The following PITPNB variants were observed in gnomAD, a reference collection of about 807,000 sequenced individuals.
The protein encoded by PITPNB is phosphatidylinositol transfer protein beta, also known as phosphatidylinositol transfer protein beta isoform.
In PITPNB, 16 loss-of-function variants were observed where a neutral mutation model predicts 45.9. That is an observed-to-expected ratio of 0.35 (90% confidence interval 0.24 to 0.53). The LOEUF is 0.53. Ranked by LOEUF, PITPNB falls within the 20% of genes least tolerant of loss-of-function variation. The pLI, the probability that PITPNB is intolerant of heterozygous loss-of-function variation, is 0.93. For synonymous variants in PITPNB, 112 were observed against 108.9 expected, an observed-to-expected ratio of 1.03 and a Z score of -0.18; for missense variants, 188 against 330.5, an observed-to-expected ratio of 0.57 and a Z score of 3.34.
At chr22:27,915,727 G>T (rs141080927) in intron 1 of PITPNB, among the ~76,000 whole-genome samples, 5 of 152,054 alleles carry the variant, frequency 3.3e-5, no homozygotes, top group Non-Finnish European at 5.9e-5. Flanking sequence ...TAAAAATTCC[G>T]AATCATTTCT....
chr22:27,884,090 G>A (rs1935047902), intron 7 of PITPNB, among the ~76,000 whole-genome samples: 1 of 152,196 alleles, frequency 6.6e-6, no homozygotes, highest in East Asian at 1.9e-4. Flanking sequence ...AGATGTTGCA[G>A]ACTGGTCCAG....
At chr22:27,906,006 G>A (rs573959048) in intron 3 of PITPNB, among the ~76,000 whole-genome samples, 7 of 152,110 alleles carry the variant, frequency 4.6e-5, no homozygotes, top group African/African-American at 1.4e-4. Context: ...GTGGAAAACA[G>A]GATACAACAA....
chr22:27,909,528 T>TA lies in PITPNB; in HGVS notation c.197+1435dup, dbSNP rs567256746. ...AAGAAATTCAAATGGTCAATTAACA[T>TA]AAAAAGACATTCAACCTCACTAATA... On this transcript the variant is annotated intron_variant, in intron 3 of 11. Coordinates refer to ENST00000335272, the MANE Select transcript of PITPNB (RefSeq NM_012399.5). Among the ~76,000 whole-genome samples, 440 of 152,154 alleles carry TA rather than the reference T, an allele frequency of 2.9e-3. 2 individuals carry two copies. Among genetic ancestry groups the TA allele is most frequent in the Non-Finnish European group, 2.3e-3 (155 of 67,988 alleles).
At chr22:27,858,365 G>C (rs1001993020) in intron 10 of PITPNB, 22 bp downstream of exon 10, 5 of 1,577,458 alleles carry the variant, frequency 3.2e-6, no homozygotes, top group Non-Finnish European at 4.3e-6. Flanking sequence ...TTAGAGAATT[G>C]CCATAGAACA....
At chr22:27,903,306 CT>C (rs1223762085) in intron 3 of PITPNB, among the ~76,000 whole-genome samples, 1 of 151,568 alleles carries the variant, frequency 6.6e-6, no homozygotes, top group East Asian at 1.9e-4. Context: ...CCCGTCTCTA[CT>C]AAAAATACAA....
intron 8 of PITPNB, among the ~76,000 whole-genome samples, chr22:27,863,677 G>A (rs1934401931): frequency 6.6e-6 from 1 of 152,180 alleles, no homozygotes; most frequent in South Asian, 2.1e-4. Context: ...TGATGCTTCA[G>A]AATTCTCCAG....
At position 27,859,545 on chromosome 22, in the gene PITPNB, C is replaced by T. The variant is rs555104620; in HGVS notation, c.645+586G>A. 2.6e-5 allele frequency among the ~76,000 whole-genome samples: 4 copies of T among 152,202 alleles called. No homozygotes were observed. The East Asian group carries it at 7.7e-4, about 29-fold the overall frequency. On this transcript the variant is annotated intron_variant, in intron 9 of 11. Coordinates refer to ENST00000335272, the MANE Select transcript of PITPNB (RefSeq NM_012399.5). Reference sequence around the variant, plus strand: ...GTGCATTTATAAAATTCCAATTCTCCCCTCCTCCTAGATCTAACTGCCCAT... The same window carrying T: ...GTGCATTTATAAAATTCCAATTCTCTCCTCCTCCTAGATCTAACTGCCCAT...
intron 1 of PITPNB, 136 bp downstream of exon 1, chr22:27,919,036 G>A (rs1936188720): frequency 2.0e-5 from 26 of 1,330,062 alleles, no homozygotes; most frequent in Non-Finnish European, 2.8e-5. Context: ...AAGGGGCCGG[G>A]GGAGGGAGGG....
At position 27,873,690 on chromosome 22, in the gene PITPNB, T is replaced by A. The variant is rs753708040; in HGVS notation, c.534+48A>T. 7 of 1,098,280 alleles carry A rather than the reference T, an allele frequency of 6.4e-6. No homozygotes were observed. The South Asian group carries it at 8.7e-5, about 14-fold the overall frequency. The allele number at this position is 1,098,280 out of a possible 1,614,324, so 68.0% of individuals were successfully genotyped here. A position where few individuals can be genotyped will look rare whatever the true frequency, so the allele number is the denominator to read the frequency against. ...TCTTCAAGACTCAGGACCTGTCAAGTGTTCTGTTGCCAAGACTCTGCCTGT... is the reference window on the plus strand; with the variant it reads ...TCTTCAAGACTCAGGACCTGTCAAGAGTTCTGTTGCCAAGACTCTGCCTGT... On this transcript the variant is annotated intron_variant, in intron 8 of 11. Transcript: ENST00000335272.
At chr22:27,881,829 A>G (rs1254853428) in intron 7 of PITPNB, among the ~76,000 whole-genome samples, 1 of 152,266 alleles carries the variant, frequency 6.6e-6, no homozygotes, top group Non-Finnish European at 1.5e-5. Context: ...AGGTTGACCC[A>G]TAAGAAAACG....
In PITPNB at chr22:27,917,764, G is replaced by C. The variant is rs147996712; in HGVS notation, c.20+1408C>G. On this transcript the variant is annotated intron_variant, in intron 1 of 11. Transcript: ENST00000335272. The stretch of plus-strand genomic sequence containing the variant: ...AACTCATGGCCCTTACATGTAAAAA[G>C]AGAACACAACTAGTAGGAGAAAAAT... Among the ~76,000 whole-genome samples, 1,027 of 152,256 alleles carry C rather than the reference G, an allele frequency of 6.7e-3. 7 individuals are homozygous for C. Among genetic ancestry groups the C allele is most frequent in the African/African-American group, 0.022 (932 of 41,536 alleles).
chr22:27,902,530 G>A (rs1328354025), intron 3 of PITPNB, among the ~76,000 whole-genome samples: 2 of 150,028 alleles, frequency 1.3e-5, no homozygotes, highest in Admixed American at 6.6e-5. Flanking sequence ...CAATTATTGA[G>A]TTAATTGCAA....
chr22:27,912,523 G>A (rs1257978956), intron 2 of PITPNB, among the ~76,000 whole-genome samples: 5 of 151,850 alleles, frequency 3.3e-5, no homozygotes, highest in African/African-American at 1.2e-4. Flanking sequence ...TTTCATTTTG[G>A]TCAGGAACAC....
rs750305004 is a variant in PITPNB, at chr22:27,860,271, T to G, written c.535-30A>C. On this transcript the variant is annotated intron_variant, in intron 8 of 11. Coordinates refer to ENST00000335272, the MANE Select transcript of PITPNB (RefSeq NM_012399.5). ...ATGAGAAAAATTGAAAAGGAGAAAT[T>G]ATGACTTAAATATTTATGTTTTCAT... 7.6e-6 allele frequency: 10 copies of G among 1,309,656 alleles called. No homozygotes were observed. The East Asian group carries it at 2.3e-4, about 30-fold the overall frequency. 81.1% of individuals were successfully genotyped at this position (1,309,656 alleles called of 1,614,324 possible).
At chr22:27,859,040 C>G (rs1346375215) in intron 9 of PITPNB, among the ~76,000 whole-genome samples, 4 of 152,064 alleles carry the variant, frequency 2.6e-5, no homozygotes, top group African/African-American at 9.7e-5. Flanking sequence ...ATTTAAAAAC[C>G]ATGTATATAA....
chr22:27,914,409 T>C, intron 1 of PITPNB, 62 bp from the exon 2 acceptor site: 3 of 986,818 alleles, frequency 3.0e-6, no homozygotes, highest in Non-Finnish European at 4.7e-6. Context: ...CACAGATCTC[T>C]GAAGAGGTTT....
chr22:27,861,407 A>G (rs538883452), intron 8 of PITPNB, among the ~76,000 whole-genome samples: 1 of 152,348 alleles, frequency 6.6e-6, no homozygotes, highest in East Asian at 1.9e-4. Flanking sequence ...GCTTTGCCTT[A>G]CTTAGTGAGT....
chr22:27,919,156 C>G lies in PITPNB; in HGVS notation c.20+16G>C, dbSNP rs1936197205. ...TGCCGTCCCACGGCCTCGCTCGCGC[C>G]CACAGACCCACTCACAATTCCTTGA... On this transcript the variant is annotated intron_variant, in intron 1 of 11. Coordinates refer to ENST00000335272, the MANE Select transcript of PITPNB (RefSeq NM_012399.5). 3 of 1,614,044 alleles carry G rather than the reference C, an allele frequency of 1.9e-6. No homozygotes were observed. The highest frequency in any genetic ancestry group is 2.5e-6 in the Non-Finnish European group (3 of 1,179,920).
At chr22:27,909,054 A>G (rs972084007) in intron 3 of PITPNB, among the ~76,000 whole-genome samples, 2 of 152,154 alleles carry the variant, frequency 1.3e-5, no homozygotes, top group African/African-American at 4.8e-5. Context: ...CTACAACTTT[A>G]AGGAGTTCCA....
Sources: gnomAD v4.1 joint callset for allele counts (sites outside exome capture counted in the v4.1 genomes callset) on GRCh38, gnomAD v4.1.1 for gene constraint, MANE v1.5 for transcripts, NCBI Gene and HGNC (gene_info 2026-07-23, HGNC 2026-07-21) for gene names.